PDSS2: variants seen among roughly 807,000 people sequenced by gnomAD.
PDSS2 encodes the protein decaprenyl diphosphate synthase subunit 2, also known as all trans-polyprenyl-diphosphate synthase PDSS2.
A neutral mutation model predicts 44.5 loss-of-function variants in PDSS2; 31 were observed. The ratio of observed to expected loss-of-function variants is 0.70; its 90% CI spans 0.52 to 0.94. PDSS2 has a LOEUF of 0.94. PDSS2 is among the 40% of genes least tolerant of loss of function. PDSS2 has a pLI of 0.00. For synonymous variants in PDSS2, 157 were observed against 180.3 expected (o/e 0.87, Z 1.03); for missense variants, 452 against 482.2 (o/e 0.94, Z 0.59).
chr6:107,165,178 A>G (rs1274569924), intron 7 of PDSS2, among the ~76,000 whole-genome samples: 1 of 151,888 alleles, frequency 6.6e-6, no homozygotes, highest in Non-Finnish European at 1.5e-5. Flanking sequence ...ATTAGATCCC[A>G]TTTGTCAATT....
chr6:107,255,217 G>T (rs866512852), intron 3 of PDSS2, among the ~76,000 whole-genome samples: 7 of 132,764 alleles, frequency 5.3e-5, no homozygotes, highest in Non-Finnish European at 1.1e-4. Context: ...TTTTTTTTGA[G>T]ATGGAGTCTC....
intron 7 of PDSS2, among the ~76,000 whole-genome samples, chr6:107,185,962 G>A (rs1772150981): frequency 6.6e-6 from 1 of 152,200 alleles, no homozygotes; most frequent in East Asian, 1.9e-4. Context: ...TTCACTTCTG[G>A]TAATTACATT....
chr6:107,448,726 G>A (rs1020530647), intron 1 of PDSS2, among the ~76,000 whole-genome samples: 9 of 152,042 alleles, frequency 5.9e-5, no homozygotes, highest in African/African-American at 1.9e-4. Flanking sequence ...CACTCTCTAC[G>A]GTACCAATTA....
chr6:107,286,855 A>G (rs1325683172), intron 2 of PDSS2, among the ~76,000 whole-genome samples: 1 of 152,106 alleles, frequency 6.6e-6, no homozygotes, highest in Non-Finnish European at 1.5e-5. Flanking sequence ...CCTGGCCAAC[A>G]TGGTGAAACC....
chr6:107,423,623 A>C (rs1780895701), intron 1 of PDSS2, among the ~76,000 whole-genome samples: 1 of 151,970 alleles, frequency 6.6e-6, no homozygotes, highest in African/African-American at 2.4e-5. Flanking sequence ...GGATTATATC[A>C]CTCTCCCGAA....
intron 7 of PDSS2, among the ~76,000 whole-genome samples, chr6:107,170,671 G>A (rs532768535): frequency 6.7e-6 from 1 of 148,452 alleles, no homozygotes; most frequent in African/African-American, 2.5e-5. Context: ...TGGATGCAGT[G>A]GCACAATCTC....
At chr6:107,315,621 C>T (rs1777175910) in intron 2 of PDSS2, among the ~76,000 whole-genome samples, 1 of 152,136 alleles carries the variant, frequency 6.6e-6, no homozygotes, top group African/African-American at 2.4e-5. Context: ...AGAAAGAAAG[C>T]ATATCTCTGT....
chr6:107,394,290 T>C (rs1413434021), intron 1 of PDSS2, among the ~76,000 whole-genome samples: 1 of 152,168 alleles, frequency 6.6e-6, no homozygotes, highest in African/African-American at 2.4e-5. Context: ...GGGTAATTTA[T>C]AAGAAAAGTG....
chr6:107,327,330 G>A (rs1415570937), intron 2 of PDSS2, among the ~76,000 whole-genome samples: 1 of 152,174 alleles, frequency 6.6e-6, no homozygotes, highest in East Asian at 1.9e-4. Context: ...ACTCAGGAGA[G>A]TCTAAAACCT....
chr6:107,188,319 C>T (rs1276984503), intron 7 of PDSS2, among the ~76,000 whole-genome samples: 1 of 151,636 alleles, frequency 6.6e-6, no homozygotes, highest in Non-Finnish European at 1.5e-5. Context: ...GCGGAAGTTT[C>T]AGTGAGCTAA....
intron 1 of PDSS2, among the ~76,000 whole-genome samples, chr6:107,402,131 T>C (rs977351662): frequency 1.3e-5 from 2 of 151,690 alleles, no homozygotes; most frequent in African/African-American, 4.8e-5. Flanking sequence ...ATACAAAAAA[T>C]TAGCCAGCTG....
At chr6:107,332,129 G>C (rs1359452708) in intron 2 of PDSS2, among the ~76,000 whole-genome samples, 1 of 149,930 alleles carries the variant, frequency 6.7e-6, no homozygotes, top group Non-Finnish European at 1.5e-5. Context: ...TTTTGAGACA[G>C]GGTCTCATTC....
intron 1 of PDSS2, among the ~76,000 whole-genome samples, chr6:107,364,538 G>A (rs1447600914): frequency 6.6e-6 from 1 of 152,254 alleles, no homozygotes; most frequent in Non-Finnish European, 1.5e-5. Flanking sequence ...GCTGCTCCGA[G>A]TGCGGGGCCC....
chr6:107,248,918 A>G (rs1365566657), intron 3 of PDSS2, among the ~76,000 whole-genome samples: 1 of 152,186 alleles, frequency 6.6e-6, no homozygotes, highest in African/African-American at 2.4e-5. Context: ...TTTGGTTTCA[A>G]TACCTAGAAT....
chr6:107,200,728 G>A (rs7748579), intron 6 of PDSS2, among the ~76,000 whole-genome samples: 2,630 of 152,070 alleles, frequency 0.017, 66 homozygotes, highest in African/African-American at 0.059. Context: ...GTGGAATAGC[G>A]TGATTTCGGC....
intron 7 of PDSS2, among the ~76,000 whole-genome samples, chr6:107,187,612 C>T (rs963547405): frequency 6.6e-6 from 1 of 150,924 alleles, no homozygotes; most frequent in African/African-American, 2.4e-5. Flanking sequence ...TGCAGTGAGC[C>T]GAGATTGTGC....
At chr6:107,432,815 T>A (rs1781233855) in intron 1 of PDSS2, among the ~76,000 whole-genome samples, 1 of 152,056 alleles carries the variant, frequency 6.6e-6, no homozygotes, top group African/African-American at 2.4e-5. Flanking sequence ...TTGAAAATAT[T>A]CACTAAATTA....
At chr6:107,199,855 G>A (rs1772709879) in intron 6 of PDSS2, among the ~76,000 whole-genome samples, 1 of 152,154 alleles carries the variant, frequency 6.6e-6, no homozygotes, top group Non-Finnish European at 1.5e-5. Flanking sequence ...TGCAGGTAAT[G>A]TAGAGCCCTT....
At chr6:107,392,921 C>T (rs957099480) in intron 1 of PDSS2, among the ~76,000 whole-genome samples, 4 of 151,980 alleles carry the variant, frequency 2.6e-5, no homozygotes, top group Middle Eastern at 3.2e-3. Flanking sequence ...TCCTTTATAC[C>T]AAACTGGGGA....
Sources: gnomAD v4.1 joint callset for allele counts (sites outside exome capture counted in the v4.1 genomes callset) on GRCh38, gnomAD v4.1.1 for gene constraint, MANE v1.5 for transcripts, NCBI Gene and HGNC (gene_info 2026-07-23, HGNC 2026-07-21) for gene names.